MLLT1: variants seen among roughly 807,000 people sequenced by gnomAD.
MLLT1 encodes protein ENL.
In MLLT1, 11 loss-of-function variants were observed where a neutral mutation model predicts 55.1. That is an observed-to-expected ratio of 0.20 (90% CI 0.13 to 0.33). The LOEUF is 0.33. MLLT1 is among the 10% of genes least tolerant of loss of function. MLLT1 has a pLI of 1.00. For missense variants in MLLT1, 536 were observed against 760.6 expected (o/e 0.70, Z 3.47); for synonymous variants, 323 against 320.1 (o/e 1.01, Z -0.10).
chr19:6,224,784 C>A (rs1231034858), intron 5 of MLLT1, among the ~76,000 whole-genome samples: 1 of 152,204 alleles, frequency 6.6e-6, no homozygotes, highest in Non-Finnish European at 1.5e-5. Context: ...GGCTGGAGTG[C>A]AGTGGTGCGA....
chr19:6,252,418 G>C (rs1035805773), intron 3 of MLLT1, among the ~76,000 whole-genome samples: 1 of 152,068 alleles, frequency 6.6e-6, no homozygotes, highest in African/African-American at 2.4e-5. Context: ...CTCGTATCTG[G>C]GTATCTATCT....
At chr19:6,250,251 CA>C (rs1240549248) in intron 3 of MLLT1, among the ~76,000 whole-genome samples, 2 of 152,102 alleles carry the variant, frequency 1.3e-5, no homozygotes, top group East Asian at 3.9e-4. Flanking sequence ...TAAAAACAGA[CA>C]AAAAACAGGA....
intron 8 of MLLT1, 136 bp downstream of exon 8, chr19:6,216,269 G>A: frequency 1.5e-6 from 1 of 660,358 alleles, no homozygotes; most frequent in Non-Finnish European, 2.7e-6. Flanking sequence ...GGGCCACCTG[G>A]GGATGGATCC....
chr19:6,274,451 G>A (rs1442438047), intron 1 of MLLT1, among the ~76,000 whole-genome samples: 2 of 152,294 alleles, frequency 1.3e-5, no homozygotes, highest in South Asian at 2.1e-4. Flanking sequence ...TCAATTAGCT[G>A]TCTCTCTAGG....
chr19:6,211,729 G>C lies in MLLT1; in HGVS notation c.*1313C>G. 1 of 1,064,616 alleles carries C rather than the reference G, an allele frequency of 9.4e-7. No individual in the cohort carries two copies. The highest frequency in any genetic ancestry group is 1.1e-6 in the Non-Finnish European group (1 of 878,816). 65.9% of individuals were successfully genotyped at this position (1,064,616 alleles called of 1,614,324 possible). A position where few individuals can be genotyped will look rare whatever the true frequency, so the allele number is the denominator to read the frequency against. On this transcript the variant is annotated 3_prime_UTR_variant, in exon 12 of 12. Transcript: ENST00000252674. This position sits in a 1 kb window ranked among gnomAD's most constrained non-coding sequence, Gnocchi z 4.6. ...CTGGGAAACAGAGGCTAACCAGGCA[G>C]GCCTCCAGCCCCTGGGACCCCCAGC...
rs947316193 is a variant in MLLT1, at chr19:6,212,704, G to A, written c.*338C>T. 2.5e-5 allele frequency: 28 copies of A among 1,137,592 alleles called. No individual in the cohort carries two copies. Among genetic ancestry groups the A allele is most frequent in the Non-Finnish European group, 3.0e-5 (28 of 925,510 alleles). The allele number at this position is 1,137,592 out of a possible 1,614,324, so 70.5% of individuals were successfully genotyped here. The stretch of plus-strand genomic sequence containing the variant: ...AAGGCTGGGGCAGCGACGCCGCACA[G>A]CCCGCCGAGCAGTGGGGGCTGGTCC... On this transcript the variant is annotated 3_prime_UTR_variant, in exon 12 of 12. Coordinates refer to ENST00000252674, the MANE Select transcript of MLLT1 (RefSeq NM_005934.4).
chr19:6,211,558 G>A lies in MLLT1; in HGVS notation c.*1484C>T, dbSNP rs907341619. On this transcript the variant is annotated 3_prime_UTR_variant, in exon 12 of 12. Coordinates refer to ENST00000252674, the MANE Select transcript of MLLT1 (RefSeq NM_005934.4). This position sits in a 1 kb window ranked among gnomAD's most constrained non-coding sequence, Gnocchi z 4.6. ...GTCTGAACTCATAGGCTGGGGAGGA[G>A]GAGACATCTAGGTGGGTTCGAGGGG... 3 of 1,044,656 alleles carry A rather than the reference G, an allele frequency of 2.9e-6. No homozygotes were observed. The highest frequency in any genetic ancestry group is 3.3e-5 in the African/African-American group (2 of 60,680). 64.7% of individuals were successfully genotyped at this position (1,044,656 alleles called of 1,614,324 possible).
At position 6,216,450 on chromosome 19, in the gene MLLT1, G is replaced by A; in HGVS notation, c.1262C>T (p.Ser421Leu). ...GGTCTTGCCGGCAGCCTCCTCGCCT[G>A]ACGAAGAGTCGTCCTCGTCGGACTC... is the stretch of plus-strand genomic sequence containing the variant. Reference protein sequence around the residue: ...SEESDEDDSSSGEEAAGKTNP... With the variant: ...SEESDEDDSSLGEEAAGKTNP... Residue 421 changes from serine to leucine, a missense_variant, in exon 8 of 12, where the codon TCA becomes TTA. By Grantham distance (145) the Ser-to-Leu change is moderately radical (BLOSUM62 -2). This residue lies in a region of MLLT1 where 449 missense variants were observed against 489.0 expected (regional missense o/e 0.92). Transcript: ENST00000252674. The A allele has an allele frequency of 6.2e-7, 1 of 1,610,198 alleles. No individual in the cohort carries two copies. The highest frequency in any genetic ancestry group is 8.5e-7 in the Non-Finnish European group (1 of 1,179,060).
At chr19:6,279,029 G>C (rs538747673) in intron 1 of MLLT1, among the ~76,000 whole-genome samples, 1 of 152,278 alleles carries the variant, frequency 6.6e-6, no homozygotes, top group East Asian at 1.9e-4. Context: ...GGTTGGGAGA[G>C]AAAGGGATGC....
rs886774882 is a variant in MLLT1, at chr19:6,240,362, A to G, written c.277-9649T>C. On this transcript the variant is annotated intron_variant, in intron 3 of 11. Transcript: ENST00000252674. This position sits in a 1 kb window ranked among gnomAD's most constrained non-coding sequence, Gnocchi z 4.7. ...TTTCTTCTTGTACCCCTGAACTTCAAACTCCACTGTGGAGCACGCTGCCGC... is the reference window on the plus strand; with the variant it reads ...TTTCTTCTTGTACCCCTGAACTTCAGACTCCACTGTGGAGCACGCTGCCGC... Among the ~76,000 whole-genome samples the G allele has an allele frequency of 6.6e-6, 1 of 152,194 alleles. No individual in the cohort carries two copies. Among genetic ancestry groups the G allele is most frequent in the African/African-American group, 2.4e-5 (1 of 41,450 alleles).
rs1321223762 is a variant in MLLT1, at chr19:6,227,448, G to A, written c.421-346C>T. Among the ~76,000 whole-genome samples, 1 of 152,224 alleles carries A rather than the reference G, an allele frequency of 6.6e-6. No homozygotes were observed. Among genetic ancestry groups the A allele is most frequent in the Non-Finnish European group, 1.5e-5 (1 of 68,032 alleles). On this transcript the variant is annotated intron_variant, in intron 4 of 11. Coordinates refer to ENST00000252674, the MANE Select transcript of MLLT1 (RefSeq NM_005934.4). This position sits in a 1 kb window ranked among gnomAD's most constrained non-coding sequence, Gnocchi z 5.1. ...CAGCTGCGGCCGAAGCCTGACCTAC[G>A]CGCTTAGGTTTAGGGGGAACAGCTC...
At position 6,222,065 on chromosome 19, in the gene MLLT1, G is replaced by A. The variant is rs2090903496; in HGVS notation, c.1110+56C>T. 7.2e-7 allele frequency: 1 copy of A among 1,379,496 alleles called. No individual in the cohort carries two copies. The highest frequency in any genetic ancestry group is 1.5e-5 in the African/African-American group (1 of 67,382). The allele number at this position is 1,379,496 out of a possible 1,614,324, so 85.5% of individuals were successfully genotyped here. ...CCTCCTTCCGCTGTTCCAGAAGGGA[G>A]GCGGGTCCCACCACACTGCCTGCAC... On this transcript the variant is annotated intron_variant, in intron 6 of 11. Transcript: ENST00000252674. The surrounding 1 kb of genome is among the most constrained non-coding windows in gnomAD (Gnocchi z 4.1).
At chr19:6,224,268 C>A (rs948486545) in intron 5 of MLLT1, among the ~76,000 whole-genome samples, 1 of 152,270 alleles carries the variant, frequency 6.6e-6, no homozygotes, top group Non-Finnish European at 1.5e-5. Context: ...GGAGAAAGGG[C>A]AAGCCCTGTG....
At position 6,222,572 on chromosome 19, in the gene MLLT1, C is replaced by T. The variant is rs1360565477; in HGVS notation, c.659G>A (p.Arg220His). The change falls in exon 6 of 12, where the codon CGT becomes CAT. Residue 220 changes from arginine (R) to histidine (H), a missense_variant. Coordinates refer to ENST00000252674, the MANE Select transcript of MLLT1 (RefSeq NM_005934.4). This position sits in a 1 kb window ranked among gnomAD's most constrained non-coding sequence, Gnocchi z 4.1. The part of the protein sequence containing the change: ...ESKSSSKELE[R>H]EQAKSSKDTS... ...GTCCTTGGAGCTTTTGGCCTGCTCA[C>T]GCTCCAGCTCCTTGGAGGAGCTCTT... 3.7e-6 allele frequency: 6 copies of T among 1,600,880 alleles called. No homozygotes were observed. The highest frequency in any genetic ancestry group is 4.5e-5 in the East Asian group (2 of 44,830).
chr19:6,276,910 G>A (rs1474741930), intron 1 of MLLT1, among the ~76,000 whole-genome samples: 1 of 152,206 alleles, frequency 6.6e-6, no homozygotes, highest in Non-Finnish European at 1.5e-5. Flanking sequence ...AGCACAGTGG[G>A]AAATCCTGCT....
intron 3 of MLLT1, among the ~76,000 whole-genome samples, chr19:6,246,146 G>A (rs1237604805): frequency 2.0e-5 from 3 of 151,910 alleles, no homozygotes; most frequent in Non-Finnish European, 4.4e-5. Context: ...ATATTCAAGG[G>A]CTGGCGAAGA....
chr19:6,219,338 G>A lies in MLLT1; in HGVS notation c.1111-1297C>T, dbSNP rs2090873932. ...ATCATCACTGGGAAAGCCTGCCGTG[G>A]TGCCCATCAGTCACTGCCCACTCAG... On this transcript the variant is annotated intron_variant, in intron 6 of 11. Transcript: ENST00000252674. The surrounding 1 kb of genome is among the most constrained non-coding windows in gnomAD (Gnocchi z 4.5). Among the ~76,000 whole-genome samples, 1 of 152,128 alleles carries A rather than the reference G, an allele frequency of 6.6e-6. No homozygotes were observed. Among genetic ancestry groups the A allele is most frequent in the African/African-American group, 2.4e-5 (1 of 41,414 alleles).
chr19:6,238,324 G>C (rs1357012914), intron 3 of MLLT1, among the ~76,000 whole-genome samples: 1 of 152,210 alleles, frequency 6.6e-6, no homozygotes, highest in Non-Finnish European at 1.5e-5. Flanking sequence ...CCAATTTCTA[G>C]CCAGAATGAT....
rs11673505 is a variant in MLLT1, at chr19:6,229,026, T to C, written c.420+1544A>G. Among the ~76,000 whole-genome samples, 49,555 of 152,088 alleles carry C rather than the reference T, an allele frequency of 0.33. 9,687 individuals carry two copies. The highest frequency in any genetic ancestry group is 0.54 in the African/African-American group (22,306 of 41,460). ...GATGCCCTCAGAGCCTTCATCGCTG[T>C]GGAGCAAAGGAAGCCGCCTCCCACA... On this transcript the variant is annotated intron_variant, in intron 4 of 11. Coordinates refer to ENST00000252674, the MANE Select transcript of MLLT1 (RefSeq NM_005934.4). The surrounding 1 kb of genome is among the most constrained non-coding windows in gnomAD (Gnocchi z 5.2).
Sources: gnomAD v4.1 joint callset for allele counts (sites outside exome capture counted in the v4.1 genomes callset) on GRCh38, gnomAD v4.1.1 for gene constraint, gnomAD v4.1.1 regional missense constraint, Gnocchi (gnomAD v3.1) non-coding constraint, MANE v1.5 for transcripts, NCBI Gene and HGNC (gene_info 2026-07-23, HGNC 2026-07-21) for gene names.